Variants in WWOX observed in about 807,000 individuals in gnomAD.
WWOX encodes the protein WW domain-containing oxidoreductase.
A neutral mutation model predicts 46.2 loss-of-function variants in WWOX; 69 were observed. That is an observed-to-expected ratio of 1.49 (90% CI 1.23 to 1.82). The LOEUF is 1.82. Ranked by LOEUF, WWOX falls within the 40% of genes most tolerant of loss-of-function variation. WWOX has a pLI of 0.00. For missense variants in WWOX, 919 were observed against 542.6 expected, an observed-to-expected ratio of 1.69 and a Z score of -6.89; for synonymous variants, 359 against 202.6, an observed-to-expected ratio of 1.77 and a Z score of -6.56.
intron 8 of WWOX, among the ~76,000 whole-genome samples, chr16:78,688,456 C>G (rs1406258995): frequency 6.6e-6 from 1 of 151,844 alleles, no homozygotes; most frequent in East Asian, 1.9e-4. Flanking sequence ...TTTTTCCTCT[C>G]TCTATTGCAT....
intron 8 of WWOX, among the ~76,000 whole-genome samples, chr16:78,437,527 T>C (rs1183164392): frequency 1.3e-5 from 2 of 152,198 alleles, no homozygotes; most frequent in Non-Finnish European, 2.9e-5. Context: ...CAGGAATCAA[T>C]TCTCAGCACA....
chr16:78,471,208 G>A (rs2084212622), intron 8 of WWOX, among the ~76,000 whole-genome samples: 1 of 152,154 alleles, frequency 6.6e-6, no homozygotes, highest in Admixed American at 6.5e-5. Context: ...AGACAATCAG[G>A]CGTGATTCTT....
chr16:78,186,325 G>C (rs945957623), intron 5 of WWOX, among the ~76,000 whole-genome samples: 2 of 151,162 alleles, frequency 1.3e-5, no homozygotes, highest in African/African-American at 4.9e-5. Context: ...CGACCTAGAG[G>C]GTAACCACTG....
At chr16:79,036,338 C>A (rs2047865959) in intron 8 of WWOX, among the ~76,000 whole-genome samples, 1 of 152,232 alleles carries the variant, frequency 6.6e-6, no homozygotes, top group Non-Finnish European at 1.5e-5. Flanking sequence ...CATCACTCTT[C>A]CTGCATTCAT....
intron 8 of WWOX, among the ~76,000 whole-genome samples, chr16:79,093,575 A>T (rs1410451509): frequency 6.6e-6 from 1 of 152,154 alleles, no homozygotes; most frequent in Non-Finnish European, 1.5e-5. Context: ...CAGTGGGCCC[A>T]CTTCACCTTC....
At chr16:78,609,795 T>C (rs2045854930) in intron 8 of WWOX, among the ~76,000 whole-genome samples, 3 of 152,178 alleles carry the variant, frequency 2.0e-5, no homozygotes, top group South Asian at 4.1e-4. Flanking sequence ...CAAATGAAAA[T>C]ATTTTTTCCA....
intron 8 of WWOX, among the ~76,000 whole-genome samples, chr16:78,837,106 G>T (rs1005056399): frequency 1.3e-5 from 2 of 152,072 alleles, no homozygotes; most frequent in African/African-American, 4.8e-5. Context: ...GGAGGGGGGA[G>T]AAGAAGAAGG....
At chr16:78,822,976 GTTTGTAAA>G (rs1248581525) in intron 8 of WWOX, among the ~76,000 whole-genome samples, 1 of 152,072 alleles carries the variant, frequency 6.6e-6, no homozygotes, top group Non-Finnish European at 1.5e-5. Flanking sequence ...GCTTCGTGTT[GTTTGTAAA>G]TTTGTGAATA....
intron 8 of WWOX, among the ~76,000 whole-genome samples, chr16:78,591,411 C>G (rs542457063): frequency 6.6e-6 from 1 of 152,284 alleles, no homozygotes; most frequent in Admixed American, 6.5e-5. Flanking sequence ...ACAACTGTCT[C>G]CAGTGGCCAG....
At position 78,335,283 on chromosome 16, in the gene WWOX, A is replaced by G. The variant is rs529594496; in HGVS notation, c.517-51577A>G. ...AGCTGTTGTTGCTGATGCTCTTCCC[A>G]CCACCTGCAAGCCCCAGTGTGTGTT... On this transcript the variant is annotated intron_variant, in intron 5 of 8. Transcript: ENST00000566780. Among the ~76,000 whole-genome samples the G allele has an allele frequency of 2.2e-4, 33 of 152,196 alleles. No individual in the cohort carries two copies. In the South Asian group the frequency reaches 6.7e-3, roughly 31 times the overall value.
At chr16:78,566,201 A>T (rs975243177) in intron 8 of WWOX, among the ~76,000 whole-genome samples, 1 of 151,976 alleles carries the variant, frequency 6.6e-6, no homozygotes, top group South Asian at 2.1e-4. Flanking sequence ...GTCCCCCATG[A>T]TCTCATTTGA....
chr16:78,509,354 G>A lies in WWOX; in HGVS notation c.1056+76602G>A, dbSNP rs541855115. Among the ~76,000 whole-genome samples the A allele has an allele frequency of 6.6e-5, 10 of 151,992 alleles. No homozygotes were observed. The South Asian group carries it at 2.1e-3, about 32-fold the overall frequency. On this transcript the variant is annotated intron_variant, in intron 8 of 8. Transcript: ENST00000566780. Reference sequence around the variant, plus strand: ...ACTTAGGTAGCTGAGGCAGGAACTCGCTTGAACCCGGGAGGCGGAGGCTGC... The same window carrying A: ...ACTTAGGTAGCTGAGGCAGGAACTCACTTGAACCCGGGAGGCGGAGGCTGC...
intron 8 of WWOX, among the ~76,000 whole-genome samples, chr16:78,776,545 AGT>A (rs2050194723): frequency 6.6e-6 from 1 of 152,230 alleles, no homozygotes; most frequent in Non-Finnish European, 1.5e-5. Flanking sequence ...TAGCAGCAGC[AGT>A]GTGTGCCATA....
chr16:79,201,127 CAGG>C (rs1301352873), intron 8 of WWOX, among the ~76,000 whole-genome samples: 2 of 152,190 alleles, frequency 1.3e-5, no homozygotes, highest in Admixed American at 1.3e-4. Context: ...GTGTCAAAGA[CAGG>C]AGTCCAATGT....
At chr16:78,724,547 C>A (rs1039282251) in intron 8 of WWOX, among the ~76,000 whole-genome samples, 4 of 152,148 alleles carry the variant, frequency 2.6e-5, no homozygotes, top group Non-Finnish European at 5.9e-5. Flanking sequence ...CCATTATTTA[C>A]AGTCCTTATG....
chr16:78,398,156 C>T (rs1282739893), intron 6 of WWOX, among the ~76,000 whole-genome samples: 1 of 152,186 alleles, frequency 6.6e-6, no homozygotes, highest in Non-Finnish European at 1.5e-5. Context: ...TGATCACTCT[C>T]AAGTGCAAAC....
chr16:78,200,931 G>A (rs1280864776), intron 5 of WWOX, among the ~76,000 whole-genome samples: 2 of 152,156 alleles, frequency 1.3e-5, no homozygotes, highest in Admixed American at 6.5e-5. Context: ...ACGGCAAACA[G>A]AAGAAAAGCT....
intron 6 of WWOX, among the ~76,000 whole-genome samples, chr16:78,399,240 G>C (rs2082357950): frequency 6.6e-6 from 1 of 152,238 alleles, no homozygotes; most frequent in Admixed American, 6.5e-5. Context: ...TAGGTGAACT[G>C]AACTTCTAAG....
intron 8 of WWOX, among the ~76,000 whole-genome samples, chr16:78,452,565 T>G (rs1329418311): frequency 6.8e-6 from 1 of 146,854 alleles, no homozygotes. Flanking sequence ...AACCTCTGAC[T>G]CCCAGGTTCA....
Sources: gnomAD v4.1 joint callset for allele counts (sites outside exome capture counted in the v4.1 genomes callset) on GRCh38, gnomAD v4.1.1 for gene constraint, MANE v1.5 for transcripts, NCBI Gene and HGNC (gene_info 2026-07-23, HGNC 2026-07-21) for gene names.